The following FAM107B variants were observed in gnomAD, a reference collection of about 807,000 sequenced individuals.
The protein encoded by FAM107B is protein FAM107B.
Under a neutral mutation model 31.5 loss-of-function variants are expected in FAM107B, and 21 were observed. That is an observed-to-expected ratio of 0.67 (90% CI 0.47 to 0.96). The LOEUF is 0.96. FAM107B is among the 40% of genes least tolerant of loss of function. FAM107B has a pLI of 0.00. For missense variants in FAM107B, 452 were observed against 377.1 expected (o/e 1.20, Z -1.64); for synonymous variants, 157 against 141.5 (o/e 1.11, Z -0.78).
chr10:14,763,096 T>C (rs1417550107), intron 1 of FAM107B, among the ~76,000 whole-genome samples: 1 of 151,992 alleles, frequency 6.6e-6, no homozygotes, highest in South Asian at 2.1e-4. Context: ...ACCCCATCTC[T>C]ACTGATAATA....
chr10:14,658,975 C>T (rs900311980), intron 2 of FAM107B, among the ~76,000 whole-genome samples: 4 of 152,204 alleles, frequency 2.6e-5, no homozygotes, highest in African/African-American at 9.6e-5. Flanking sequence ...GGAAAGGTTG[C>T]AGTTTTGCAG....
intron 2 of FAM107B, among the ~76,000 whole-genome samples, chr10:14,546,472 T>C (rs1050380845): frequency 1.3e-5 from 2 of 152,242 alleles, no homozygotes; most frequent in African/African-American, 4.8e-5. Context: ...AAGTACACTT[T>C]AATAACAGCT....
chr10:14,716,603 C>T (rs1374944673), intron 1 of FAM107B, among the ~76,000 whole-genome samples: 1 of 152,162 alleles, frequency 6.6e-6, no homozygotes, highest in East Asian at 1.9e-4. Context: ...ACAAAAGTAA[C>T]AGTAAGGAAA....
chr10:14,639,627 C>T (rs1250092990), intron 2 of FAM107B, among the ~76,000 whole-genome samples: 2 of 152,132 alleles, frequency 1.3e-5, no homozygotes, highest in Non-Finnish European at 2.9e-5. Context: ...CCTTACATTC[C>T]AATTCCAGCC....
At chr10:14,549,921 GCCT>G (rs1849099682) in intron 2 of FAM107B, among the ~76,000 whole-genome samples, 1 of 152,182 alleles carries the variant, frequency 6.6e-6, no homozygotes, top group Non-Finnish European at 1.5e-5. Flanking sequence ...AATGATGAAA[GCCT>G]AAAAACAAAG....
intron 2 of FAM107B, among the ~76,000 whole-genome samples, chr10:14,638,154 G>T (rs996451119): frequency 9.9e-5 from 15 of 152,160 alleles, no homozygotes; most frequent in African/African-American, 3.6e-4. Context: ...AGTGATAACA[G>T]TAATTTATAA....
intron 1 of FAM107B, among the ~76,000 whole-genome samples, chr10:14,711,887 G>A (rs191426535): frequency 2.0e-5 from 3 of 152,010 alleles, no homozygotes; most frequent in East Asian, 1.9e-4. Context: ...CAAGTAATCC[G>A]CCCACCTTGG....
chr10:14,608,073 T>C (rs1852637847), intron 2 of FAM107B, among the ~76,000 whole-genome samples: 1 of 152,210 alleles, frequency 6.6e-6, no homozygotes, highest in Non-Finnish European at 1.5e-5. Context: ...GACGTGTTGC[T>C]TTTTTATTGT....
At chr10:14,536,937 C>T (rs1175746672) in intron 2 of FAM107B, among the ~76,000 whole-genome samples, 1 of 152,152 alleles carries the variant, frequency 6.6e-6, no homozygotes, top group Non-Finnish European at 1.5e-5. Flanking sequence ...TCAGTTTTTT[C>T]ATCCCCCGAA....
intron 2 of FAM107B, among the ~76,000 whole-genome samples, chr10:14,587,487 T>G (rs1037224848): frequency 2.6e-5 from 4 of 152,236 alleles, no homozygotes; most frequent in Non-Finnish European, 5.9e-5. Context: ...TGCCTAGGCT[T>G]ATTTTCATGG....
At chr10:14,718,147 T>C (rs990600518) in intron 1 of FAM107B, among the ~76,000 whole-genome samples, 1 of 152,058 alleles carries the variant, frequency 6.6e-6, no homozygotes, top group Non-Finnish European at 1.5e-5. Context: ...GCCAACATGG[T>C]GAAACCCTGT....
chr10:14,708,261 A>G (rs556494431), intron 1 of FAM107B, among the ~76,000 whole-genome samples: 1 of 151,858 alleles, frequency 6.6e-6, no homozygotes, highest in Non-Finnish European at 1.5e-5. Flanking sequence ...TTTAATTTTT[A>G]TTAGAGATGG....
intron 1 of FAM107B, among the ~76,000 whole-genome samples, chr10:14,738,286 G>A (rs1262024110): frequency 6.6e-6 from 1 of 152,184 alleles, no homozygotes; most frequent in East Asian, 1.9e-4. Flanking sequence ...TAGCAAATCT[G>A]TTACGAGTGG....
intron 2 of FAM107B, among the ~76,000 whole-genome samples, chr10:14,602,207 G>T (rs1000350816): frequency 6.6e-6 from 1 of 152,186 alleles, no homozygotes; most frequent in Non-Finnish European, 1.5e-5. Context: ...TCCCCTGAGC[G>T]TGTGTGCAGA....
At chr10:14,682,780 T>C (rs898582817) in intron 1 of FAM107B, among the ~76,000 whole-genome samples, 12 of 151,680 alleles carry the variant, frequency 7.9e-5, no homozygotes, top group Admixed American at 7.2e-4. Flanking sequence ...TTAGGAGAAA[T>C]ACCTAATGTA....
At chr10:14,610,862 A>G (rs1258935274) in intron 2 of FAM107B, among the ~76,000 whole-genome samples, 1 of 152,268 alleles carries the variant, frequency 6.6e-6, no homozygotes, top group Non-Finnish European at 1.5e-5. Context: ...CCAATTCTAG[A>G]GAGTTTAAAA....
chr10:14,739,097 C>A (rs907938014), intron 1 of FAM107B, among the ~76,000 whole-genome samples: 1 of 152,150 alleles, frequency 6.6e-6, no homozygotes, highest in African/African-American at 2.4e-5. Context: ...TGGCAAGTGG[C>A]TTCTAAAAGG....
rs539695733 is a variant in FAM107B at position 14,672,893 on chromosome 10, G to A, written c.412-5202C>T. ...TTTGGCCTCATAGTTGGCAACATTG[G>A]GAGTTAACATTTCACTCTAGGGCAG... On this transcript the variant is annotated intron_variant, in intron 1 of 4. Transcript: ENST00000181796. Among the ~76,000 whole-genome samples, 64 of 152,278 alleles carry A rather than the reference G, an allele frequency of 4.2e-4. No homozygotes were observed. In the South Asian group the frequency reaches 0.013, roughly 32 times the overall value.
intron 2 of FAM107B, among the ~76,000 whole-genome samples, chr10:14,579,460 G>A (rs910455033): frequency 6.6e-6 from 1 of 152,226 alleles, no homozygotes; most frequent in Non-Finnish European, 1.5e-5. Context: ...AGAATAAACA[G>A]AGGAAACCAG....
Sources: gnomAD v4.1 joint callset for allele counts (sites outside exome capture counted in the v4.1 genomes callset) on GRCh38, gnomAD v4.1.1 for gene constraint, MANE v1.5 for transcripts, NCBI Gene and HGNC (gene_info 2026-07-23, HGNC 2026-07-21) for gene names.